TARP: variants seen among roughly 807,000 people sequenced by gnomAD.
At chr7:38,265,201 T>C in the TARP span, 5 of 678,866 alleles carry the variant, frequency 7.4e-6, no homozygotes, top group South Asian at 6.5e-5. Context: ...TTTAATTCTA[T>C]AGAAAAGTAG....
the TARP span, among the ~76,000 whole-genome samples, chr7:38,262,856 G>A: frequency 6.6e-6 from 1 of 151,154 alleles, no homozygotes; most frequent in African/African-American, 2.4e-5. Flanking sequence ...ACAGGGTTTC[G>A]CCATGTTGCG....
the TARP span, among the ~76,000 whole-genome samples, chr7:38,273,413 C>G: frequency 6.6e-6 from 1 of 151,198 alleles, no homozygotes; most frequent in Non-Finnish European, 1.5e-5. Flanking sequence ...AGTAATGTCT[C>G]CCATGCTAGG....
At chr7:38,264,884 G>C in the TARP span, among the ~76,000 whole-genome samples, 13 of 151,540 alleles carry the variant, frequency 8.6e-5, no homozygotes, top group Admixed American at 1.3e-4. Flanking sequence ...CAATGAACCC[G>C]TTGTTTTTAG....
the TARP span, among the ~76,000 whole-genome samples, chr7:38,267,960 T>C: frequency 3.3e-5 from 5 of 151,538 alleles, no homozygotes; most frequent in Non-Finnish European, 5.9e-5. Flanking sequence ...AGCTAGATTC[T>C]TTAAGTTTCA....
the TARP span, among the ~76,000 whole-genome samples, chr7:38,262,632 T>A: frequency 6.6e-6 from 1 of 151,420 alleles, no homozygotes; most frequent in Admixed American, 6.6e-5. Context: ...GCAAAAAGAT[T>A]AATTTTGTTT....
the TARP span, among the ~76,000 whole-genome samples, chr7:38,260,931 T>C: frequency 1.3e-5 from 2 of 151,842 alleles, no homozygotes; most frequent in Non-Finnish European, 2.9e-5. Flanking sequence ...CCCATGCTTC[T>C]AGTCGCATTC....
At chr7:38,268,406 C>A in the TARP span, among the ~76,000 whole-genome samples, 1 of 151,178 alleles carries the variant, frequency 6.6e-6, no homozygotes, top group Non-Finnish European at 1.5e-5. Flanking sequence ...TTTAAGTGTT[C>A]TCTATTTCTT....
the TARP span, chr7:38,262,253 CGT>C: frequency 1.7e-3 from 2,447 of 1,472,642 alleles, no homozygotes; most frequent in Non-Finnish European, 1.9e-3. Context: ...GTCAATTGTT[CGT>C]GTGTGTGTGT....
chr7:38,268,193 A>G, the TARP span, among the ~76,000 whole-genome samples: 2 of 151,380 alleles, frequency 1.3e-5, no homozygotes, highest in South Asian at 2.1e-4. Context: ...TAGAATTTAC[A>G]TATTTTATTT....
At chr7:38,267,261 G>A in the TARP span, among the ~76,000 whole-genome samples, 4 of 132,828 alleles carry the variant, frequency 3.0e-5, no homozygotes, top group African/African-American at 8.9e-5. Flanking sequence ...TTCTTATAGG[G>A]ATAGGGTCAA....
the TARP span, among the ~76,000 whole-genome samples, chr7:38,269,744 A>C: frequency 6.6e-6 from 1 of 151,984 alleles, no homozygotes; most frequent in Admixed American, 6.6e-5. Context: ...AATCAGTTCA[A>C]CATCGCTACC....
chr7:38,263,369 G>C, the TARP span, among the ~76,000 whole-genome samples: 13 of 151,926 alleles, frequency 8.6e-5, no homozygotes, highest in African/African-American at 2.9e-4. Context: ...AGTTGTAGGG[G>C]AAGAAAAGAA....
chr7:38,273,609 G>T, the TARP span: 1 of 1,597,610 alleles, frequency 6.3e-7, no homozygotes, highest in Non-Finnish European at 8.5e-7. Flanking sequence ...GCTTTGTTCC[G>T]GGACCAAATA....
the TARP span, among the ~76,000 whole-genome samples, chr7:38,261,762 C>T: frequency 2.4e-4 from 36 of 150,170 alleles, no homozygotes; most frequent in African/African-American, 8.1e-4. Flanking sequence ...GTCCCAGCTA[C>T]TCGAGAAGCT....
At chr7:38,259,864 G>A in the TARP span, 1 of 495,776 alleles carries the variant, frequency 2.0e-6, no homozygotes, top group Non-Finnish European at 3.6e-6. Context: ...AACATGGAGA[G>A]ATTGGTGCTG....
At chr7:38,271,332 T>C in the TARP span, among the ~76,000 whole-genome samples, 2 of 151,556 alleles carry the variant, frequency 1.3e-5, no homozygotes, top group East Asian at 1.9e-4. Context: ...TAAATTTAGA[T>C]AGAAAGTGCC....
chr7:38,260,886 T>C, the TARP span, among the ~76,000 whole-genome samples: 2 of 151,752 alleles, frequency 1.3e-5, no homozygotes, highest in African/African-American at 2.4e-5. Context: ...AGCCCCTTGG[T>C]ATTGGAAATA....
At chr7:38,271,245 G>A in the TARP span, among the ~76,000 whole-genome samples, 2 of 151,304 alleles carry the variant, frequency 1.3e-5, no homozygotes, top group Non-Finnish European at 2.9e-5. Context: ...GGTTTTGTAA[G>A]GTCAAGCTCA....
At chr7:38,269,169 T>G in the TARP span, among the ~76,000 whole-genome samples, 1 of 151,794 alleles carries the variant, frequency 6.6e-6, no homozygotes, top group Non-Finnish European at 1.5e-5. Flanking sequence ...GTGTCCACTC[T>G]GTAGAGTCTA....
Sources: allele counts gnomAD v4.1 joint callset (sites outside exome capture counted in the v4.1 genomes callset), GRCh38; gene constraint gnomAD v4.1.1; transcripts MANE v1.5.